The following ARSH variants were observed in gnomAD, a reference collection of about 807,000 sequenced individuals.
ARSH encodes arylsulfatase family member H, also known as arylsulfatase H.
Under a neutral mutation model 28.7 loss-of-function variants are expected in ARSH, and 32 were observed. That is an observed-to-expected ratio of 1.11 (90% CI 0.84 to 1.50). The LOEUF (loss-of-function observed/expected upper bound fraction) is 1.50. ARSH is among the 40% of genes most tolerant of loss of function. The pLI is 0.00. For missense variants in ARSH, 440 were observed against 452.4 expected, an observed-to-expected ratio of 0.97 and a Z score of 0.25; for synonymous variants, 176 against 177.3, an observed-to-expected ratio of 0.99 and a Z score of 0.06.
At chrX:3,029,841 T>C (rs968126997) in intron 8 of ARSH, among the ~76,000 whole-genome samples, 2 of 111,336 alleles carry the variant, frequency 1.8e-5, no homozygotes, top group African/African-American at 6.5e-5. Flanking sequence ...TGCAGTAGGA[T>C]TTTAGAGAGA....
At chrX:3,015,784 G>C (rs1029436546) in intron 4 of ARSH, among the ~76,000 whole-genome samples, 1 of 109,734 alleles carries the variant, frequency 9.1e-6, no homozygotes, top group South Asian at 4.0e-4. Context: ...ATAGACCCAC[G>C]TAACAAACTG....
At chrX:3,011,568 A>G (rs905951431) in intron 2 of ARSH, among the ~76,000 whole-genome samples, 1 of 111,817 alleles carries the variant, frequency 8.9e-6, no homozygotes, top group Non-Finnish European at 1.9e-5. Context: ...AGGGAATTTT[A>G]AGTATTGATT....
In ARSH at chrX:3,034,001, A is replaced by T. The variant is rs761840469; in HGVS notation, c.*616A>T. The stretch of plus-strand genomic sequence containing the variant: ...GTGATTTGGTTTCTTCATGTGTAAA[A>T]TAAGGAAAACCAGTGTCTACTTCAC... On this transcript the variant is annotated 3_prime_UTR_variant, in exon 9 of 9. Transcript: ENST00000381130. Among the ~76,000 whole-genome samples the T allele has an allele frequency of 7.1e-5, 8 of 112,032 alleles. No homozygotes were observed. In the South Asian group the frequency reaches 3.0e-3, roughly 42 times the overall value.
rs1460459266 is a variant in ARSH, at chrX:3,006,686, A to G, written c.74A>G (p.Tyr25Cys). Residue 25 changes from tyrosine (Y) to cysteine (C), a missense_variant, in exon 1 of 9, where the codon TAC becomes TGC. Transcript: ENST00000381130. Reference sequence around the variant, plus strand: ...CTTGGAGTGGGGGATTTGTGCTGCTACGGTAATAACTCAGTGAGGTAAAGA... The same window carrying G: ...CTTGGAGTGGGGGATTTGTGCTGCTGCGGTAATAACTCAGTGAGGTAAAGA... ...DDLGVGDLCC[Y>C]GNNSVSTPNI... The G allele has an allele frequency of 5.8e-6, 7 of 1,208,748 alleles. No homozygotes were observed. In the South Asian group the frequency reaches 1.2e-4, roughly 21 times the overall value.
In ARSH at chrX:3,015,277, A is replaced by G. The variant is rs1259798768; in HGVS notation, c.648A>G (p.Gly216=). 1 of 1,209,145 alleles carries G rather than the reference A, an allele frequency of 8.3e-7. No homozygotes were observed. The highest frequency in any genetic ancestry group is 3.0e-5 in the East Asian group (1 of 33,757). The part of the protein sequence containing the change: ...LFFTSWYSSY[G]FTRRWNCILM... ...TCACTTCCTGGTACTCTAGTTATGG[A>G]TTTACTCGACGTTGGAATTGCATCC... The change falls in exon 4 of 9, where the codon GGA becomes GGG. Residue 216 remains glycine, a synonymous_variant. Coordinates refer to ENST00000381130, the MANE Select transcript of ARSH (RefSeq NM_001011719.2).
At chrX:3,028,032 G>A (rs895573435) in intron 7 of ARSH, among the ~76,000 whole-genome samples, 2 of 110,328 alleles carry the variant, frequency 1.8e-5, no homozygotes, top group African/African-American at 6.6e-5. Context: ...GAACCCAGGA[G>A]GTAGAGATTG....
chrX:3,033,512 A>G lies in ARSH; in HGVS notation c.*127A>G, dbSNP rs1174466419. The G allele has an allele frequency of 2.7e-6, 2 of 745,862 alleles. No homozygotes were observed. Among genetic ancestry groups the G allele is most frequent in the Non-Finnish European group, 3.7e-6 (2 of 540,224 alleles). The allele number at this position is 745,862 out of a possible 1,213,427, so 61.5% of individuals were successfully genotyped here. On this transcript the variant is annotated 3_prime_UTR_variant, in exon 9 of 9. Coordinates refer to ENST00000381130, the MANE Select transcript of ARSH (RefSeq NM_001011719.2). ...TGGCCCAACCCATTGTTTTATCCTC[A>G]GAAATCAGTTCTTTCAAGAGCTCGG...
intron 5 of ARSH, among the ~76,000 whole-genome samples, chrX:3,020,006 C>T (rs995770861): frequency 1.8e-5 from 2 of 109,434 alleles, no homozygotes; most frequent in African/African-American, 6.7e-5. Context: ...CAGAGAGGGG[C>T]CAGGCGTGGT....
At chrX:3,014,363 C>G (rs773716859) in intron 3 of ARSH, among the ~76,000 whole-genome samples, 50 of 111,631 alleles carry the variant, frequency 4.5e-4, no homozygotes, top group Non-Finnish European at 7.2e-4. Flanking sequence ...AGAACGTGAC[C>G]TGGCCCCCTA....
chrX:3,027,921 G>A (rs2089903350), intron 7 of ARSH, among the ~76,000 whole-genome samples: 1 of 110,854 alleles, frequency 9.0e-6, no homozygotes, highest in African/African-American at 3.3e-5. Flanking sequence ...GGCCAACATG[G>A]TGAAACCCCC....
At chrX:3,015,530 AT>A (rs2089863832) in intron 4 of ARSH, 137 bp downstream of exon 4, 2 of 621,026 alleles carry the variant, frequency 3.2e-6, no homozygotes, top group East Asian at 3.6e-5. Flanking sequence ...CTGTTCCTGT[AT>A]TAATTTGCTT....
At chrX:3,012,619 TATACAC>T (rs2089853918) in intron 2 of ARSH, among the ~76,000 whole-genome samples, 1 of 14,843 alleles carries the variant, frequency 6.7e-5, no homozygotes, top group African/African-American at 2.7e-4. Context: ...TGTATGTGTA[TATACAC>T]ACACACACAT....
At chrX:3,006,829 A>G in intron 1 of ARSH, 125 bp downstream of exon 1, 1 of 525,443 alleles carries the variant, frequency 1.9e-6, no homozygotes, top group Non-Finnish European at 2.9e-6. Context: ...CGGCAGGAAT[A>G]GCAGAGGTCA....
intron 4 of ARSH, among the ~76,000 whole-genome samples, chrX:3,015,764 C>G (rs1421845506): frequency 9.1e-6 from 1 of 109,786 alleles, no homozygotes; most frequent in Admixed American, 9.9e-5. Context: ...CTGCTTACCC[C>G]CTGAGTGCAA....
intron 1 of ARSH, among the ~76,000 whole-genome samples, chrX:3,008,090 G>C (rs1162778542): frequency 8.9e-6 from 1 of 112,185 alleles, no homozygotes; most frequent in Non-Finnish European, 1.9e-5. Context: ...ATGGTAAGTG[G>C]TGTTTGGTGA....
intron 6 of ARSH, among the ~76,000 whole-genome samples, chrX:3,026,032 G>T (rs2089897896): frequency 9.0e-6 from 1 of 110,917 alleles, no homozygotes; most frequent in South Asian, 3.8e-4. Flanking sequence ...AATGGGTTTT[G>T]TTCTAGTCTA....
chrX:3,011,540 C>T (rs2089846691), intron 2 of ARSH, among the ~76,000 whole-genome samples: 1 of 111,716 alleles, frequency 9.0e-6, no homozygotes, highest in South Asian at 3.7e-4. Flanking sequence ...AGTGAGCCAC[C>T]ATGCTCTGCC....
intron 5 of ARSH, among the ~76,000 whole-genome samples, chrX:3,019,264 C>T (rs1182139179): frequency 4.3e-5 from 3 of 69,617 alleles, no homozygotes; most frequent in African/African-American, 1.1e-4. Flanking sequence ...GATTCTGTTT[C>T]AAAAAAAAAA....
At chrX:3,008,883 C>T (rs1320669998) in intron 1 of ARSH, among the ~76,000 whole-genome samples, 3 of 110,744 alleles carry the variant, frequency 2.7e-5, no homozygotes, top group Non-Finnish European at 5.7e-5. Context: ...CCTCCATTAT[C>T]ATCTTTCTGT....
Sources: gnomAD v4.1 joint callset for allele counts (sites outside exome capture counted in the v4.1 genomes callset) on GRCh38, gnomAD v4.1.1 for gene constraint, MANE v1.5 for transcripts, NCBI Gene and HGNC (gene_info 2026-07-23, HGNC 2026-07-21) for gene names.